Variants in CA10 observed in about 807,000 individuals in gnomAD.
The protein encoded by CA10 is carbonic anhydrase 10 (inactive).
Under a neutral mutation model 44.2 loss-of-function variants are expected in CA10, and 14 were observed. That is an observed-to-expected ratio of 0.32 (90% CI 0.21 to 0.50). The LOEUF is 0.50. Among genes scored for constraint, CA10 ranks in the 20% least tolerant of loss-of-function variants. The pLI is 0.99. For missense variants in CA10, 350 were observed against 409.7 expected (o/e 0.85, Z 1.26); for synonymous variants, 159 against 141.6 (o/e 1.12, Z -0.87).
At chr17:52,032,915 T>C (rs986716363) in intron 2 of CA10, among the ~76,000 whole-genome samples, 3 of 152,194 alleles carry the variant, frequency 2.0e-5, no homozygotes, top group Non-Finnish European at 1.5e-5. Flanking sequence ...CAAGGACAAC[T>C]GACATAAACA....
At chr17:52,156,515 C>A (rs1989806689) in intron 1 of CA10, among the ~76,000 whole-genome samples, 1 of 152,120 alleles carries the variant, frequency 6.6e-6, no homozygotes, top group African/African-American at 2.4e-5. Flanking sequence ...AAATTGGAAG[C>A]CAGACTGGGA....
intron 4 of CA10, among the ~76,000 whole-genome samples, chr17:51,677,455 C>T (rs557450686): frequency 1.3e-5 from 2 of 151,996 alleles, no homozygotes; most frequent in African/African-American, 2.4e-5. Flanking sequence ...TTCCTGAGGC[C>T]CCCCCAGAAG....
intron 3 of CA10, among the ~76,000 whole-genome samples, chr17:51,918,506 G>C (rs1982092728): frequency 6.6e-6 from 1 of 152,122 alleles, no homozygotes; most frequent in Non-Finnish European, 1.5e-5. Flanking sequence ...TTCACCCACT[G>C]GTAAAAATGA....
chr17:52,079,292 C>T (rs1249990817), intron 1 of CA10, among the ~76,000 whole-genome samples: 1 of 150,640 alleles, frequency 6.6e-6, no homozygotes, highest in Non-Finnish European at 1.5e-5. Flanking sequence ...TCTCAAAAAA[C>T]AAAAACACAA....
At position 51,748,602 on chromosome 17, in the gene CA10, A is replaced by AG. The variant is rs558388353; in HGVS notation, c.280-785_280-784insC. On this transcript the variant is annotated intron_variant, in intron 3 of 8. Coordinates refer to ENST00000451037, the MANE Select transcript of CA10 (RefSeq NM_020178.5). ...TTCCCATCTGAAACTCTACTTTCTT[A>AG]CTCTCTTGGGTTGACTTAGCTCTGG... 151 of 492,954 alleles carry AG rather than the reference A, an allele frequency of 3.1e-4. No individual in the cohort carries two copies. In the African/African-American group the frequency reaches 3.1e-3, roughly 10 times the overall value. 30.5% of individuals were successfully genotyped at this position (492,954 alleles called of 1,614,324 possible).
At position 51,980,177 on chromosome 17, in the gene CA10, C is replaced by T. The variant is rs187458580; in HGVS notation, c.137-49045G>A. ...GTATAAGTGTTTCCTTTTCTCCACA[C>T]CCTCGCCAGCATCTGTTATTTTTTG... is the stretch of plus-strand genomic sequence containing the variant. On this transcript the variant is annotated intron_variant, in intron 2 of 8. Transcript: ENST00000451037. 5.3e-5 allele frequency among the ~76,000 whole-genome samples: 8 copies of T among 152,178 alleles called. No individual in the cohort carries two copies. In the East Asian group the frequency reaches 1.4e-3, roughly 26 times the overall value.
rs2143191789 is a variant in CA10, at chr17:51,630,977, T to G, written c.*607A>C. 1 of 153,482 alleles carries G rather than the reference T, an allele frequency of 6.5e-6. No individual in the cohort carries two copies. Among genetic ancestry groups the G allele is most frequent in the East Asian group, 1.9e-4 (1 of 5,190 alleles). The allele number at this position is 153,482 out of a possible 1,614,324, so 9.5% of individuals were successfully genotyped here. On this transcript the variant is annotated 3_prime_UTR_variant, in exon 9 of 9. Transcript: ENST00000451037. Reference sequence around the variant, plus strand: ...GTAGCTCTTCAATGTCTGTCCTTTTTTTCTTTGTAAATTGTTGAGTAAACA... The same window carrying G: ...GTAGCTCTTCAATGTCTGTCCTTTTGTTCTTTGTAAATTGTTGAGTAAACA...
At chr17:52,054,935 G>T (rs555344102) in intron 2 of CA10, among the ~76,000 whole-genome samples, 2 of 151,996 alleles carry the variant, frequency 1.3e-5, no homozygotes, top group African/African-American at 4.8e-5. Flanking sequence ...TCATTTAGTC[G>T]ATAAGATTTA....
intron 3 of CA10, among the ~76,000 whole-genome samples, chr17:51,753,819 C>A (rs1904978471): frequency 6.6e-6 from 1 of 152,102 alleles, no homozygotes; most frequent in Non-Finnish European, 1.5e-5. Context: ...TGCTTTTAAC[C>A]ACTGGAAATT....
chr17:51,641,166 CCT>C (rs1343396006), intron 6 of CA10, among the ~76,000 whole-genome samples: 1 of 24,242 alleles, frequency 4.1e-5, no homozygotes, highest in African/African-American at 8.3e-5. Flanking sequence ...CTCTCTCTCT[CCT>C]CTCTCTCTCT....
At chr17:52,035,212 C>T (rs1986581607) in intron 2 of CA10, among the ~76,000 whole-genome samples, 1 of 152,106 alleles carries the variant, frequency 6.6e-6, no homozygotes, top group Non-Finnish European at 1.5e-5. Context: ...ATAAAGACCC[C>T]AGAGTCAGCC....
At chr17:51,814,600 A>C (rs1203166341) in intron 3 of CA10, among the ~76,000 whole-genome samples, 3 of 152,154 alleles carry the variant, frequency 2.0e-5, no homozygotes, top group African/African-American at 7.2e-5. Context: ...TTCTCTGAAC[A>C]CCTATTAATA....
intron 1 of CA10, among the ~76,000 whole-genome samples, chr17:52,140,750 T>C (rs546201200): frequency 1.3e-5 from 2 of 152,234 alleles, no homozygotes; most frequent in East Asian, 3.9e-4. Flanking sequence ...GTGAGCCCTG[T>C]AGGGTCTTTG....
intron 7 of CA10, 132 bp downstream of exon 7, chr17:51,635,718 GTTAGT>G (rs541109704): frequency 8.6e-5 from 49 of 569,938 alleles, no homozygotes; most frequent in Non-Finnish European, 1.3e-4. Flanking sequence ...ATAAGTTTGT[GTTAGT>G]TTAAACTACC....
At chr17:51,906,896 T>G (rs1981579082) in intron 3 of CA10, among the ~76,000 whole-genome samples, 1 of 152,142 alleles carries the variant, frequency 6.6e-6, no homozygotes, top group Non-Finnish European at 1.5e-5. Flanking sequence ...ATCTGCACCT[T>G]GCATCAACCA....
chr17:51,759,601 G>A (rs1326957861), intron 3 of CA10, among the ~76,000 whole-genome samples: 1 of 151,704 alleles, frequency 6.6e-6, no homozygotes, highest in Non-Finnish European at 1.5e-5. Flanking sequence ...CCATTTGTTG[G>A]ATGAAAATGG....
At chr17:51,845,581 T>C (rs1978457250) in intron 3 of CA10, among the ~76,000 whole-genome samples, 1 of 152,214 alleles carries the variant, frequency 6.6e-6, no homozygotes, top group African/African-American at 2.4e-5. Context: ...AAACAACTAG[T>C]ACAGTCCCCT....
chr17:51,790,136 ACT>A (rs1333406826), intron 3 of CA10, among the ~76,000 whole-genome samples: 2 of 152,020 alleles, frequency 1.3e-5, no homozygotes, highest in Non-Finnish European at 2.9e-5. Context: ...GCCAGGACTC[ACT>A]CTGAGTGGTA....
intron 3 of CA10, among the ~76,000 whole-genome samples, chr17:51,793,836 G>A (rs1445884452): frequency 1.3e-5 from 2 of 152,224 alleles, no homozygotes; most frequent in East Asian, 3.9e-4. Flanking sequence ...TGCATTCAGT[G>A]TGGGGTTATC....
Sources: allele counts gnomAD v4.1 joint callset (sites outside exome capture counted in the v4.1 genomes callset), GRCh38; gene constraint gnomAD v4.1.1; transcripts MANE v1.5; gene names NCBI Gene and HGNC (gene_info 2026-07-23, HGNC 2026-07-21).